Variants in ASB17 observed in about 807,000 individuals in gnomAD.
ASB17 encodes the protein ankyrin repeat and SOCS box containing 17.
Under a neutral mutation model 25.7 loss-of-function variants are expected in ASB17, and 26 were observed. The ratio of observed to expected loss-of-function variants is 1.01; its 90% CI spans 0.74 to 1.40. The LOEUF is 1.40. ASB17 is among the 40% of genes most tolerant of loss of function. ASB17 has a pLI of 0.00. For synonymous variants in ASB17, 128 were observed against 121.4 expected (o/e 1.05, Z -0.36); for missense variants, 326 against 338.5 (o/e 0.96, Z 0.29).
chr1:75,925,790 T>C (rs1653155471), intron 1 of ASB17, among the ~76,000 whole-genome samples: 1 of 152,156 alleles, frequency 6.6e-6, no homozygotes, highest in African/African-American at 2.4e-5. Context: ...TTTTTTTCCC[T>C]TCTCATTCTC....
rs1225524062 is a variant in ASB17 at position 75,922,284 on chromosome 1, C to T, written c.477G>A (p.Gln159=). Residue 159 remains glutamine, a synonymous_variant, in exon 2 of 3, where the codon CAG becomes CAA. Coordinates refer to ENST00000284142, the MANE Select transcript of ASB17 (RefSeq NM_080868.3). ...TPLFYVAQTR[Q]SNIFKILLQY... ...GCAGTAGTATTTTGAAGATATTAGA[C>T]TGTCTTGTCTGAGCTACATAAAAGA... 1.2e-6 allele frequency: 2 copies of T among 1,613,048 alleles called. No individual in the cohort carries two copies. The highest frequency in any genetic ancestry group is 3.3e-5 in the Admixed American group (2 of 59,968).
intron 1 of ASB17, among the ~76,000 whole-genome samples, chr1:75,924,070 G>GAAGAT (rs1162401942): frequency 6.6e-6 from 1 of 152,054 alleles, no homozygotes; most frequent in Non-Finnish European, 1.5e-5. Flanking sequence ...AACTCTATCT[G>GAAGAT]AAATAGTCAT....
intron 1 of ASB17, 139 bp from the exon 2 acceptor site, chr1:75,922,498 T>TTC (rs1553141947): frequency 4.9e-5 from 30 of 617,326 alleles, no homozygotes; most frequent in Non-Finnish European, 5.7e-5. Context: ...CTTTTTTTTT[T>TTC]TTTTTTTTTT....
intron 1 of ASB17, among the ~76,000 whole-genome samples, chr1:75,924,100 A>G (rs1000198562): frequency 6.6e-6 from 1 of 152,082 alleles, no homozygotes; most frequent in African/African-American, 2.4e-5. Flanking sequence ...GTTATCCAGA[A>G]ACTACGATTT....
Position 75,924,648 on chromosome 1 carries a change from T to C in ASB17, c.402-2289A>G, listed in dbSNP as rs1653120846. Reference sequence around the variant, plus strand: ...TGGAATCATCTCCAGACCAATAATGTCATGGGCATATTATCTTTTTTACAA... The same window carrying C: ...TGGAATCATCTCCAGACCAATAATGCCATGGGCATATTATCTTTTTTACAA... On this transcript the variant is annotated intron_variant, in intron 1 of 2. Coordinates refer to ENST00000284142, the MANE Select transcript of ASB17 (RefSeq NM_080868.3). Among the ~76,000 whole-genome samples, 5 of 152,244 alleles carry C rather than the reference T, an allele frequency of 3.3e-5. No individual in the cohort carries two copies. The South Asian group carries it at 1.0e-3, about 32-fold the overall frequency.
At position 75,932,297 on chromosome 1, in the gene ASB17, C is replaced by T. The variant is rs999134089; in HGVS notation, c.-6G>A. 2 of 1,593,942 alleles carry T rather than the reference C, an allele frequency of 1.3e-6. No individual in the cohort carries two copies. Among genetic ancestry groups the T allele is most frequent in the Middle Eastern group, 1.7e-4 (1 of 5,958 alleles). On this transcript the variant is annotated 5_prime_UTR_variant, in exon 1 of 3. Transcript: ENST00000284142. Reference sequence around the variant, plus strand: ...AATTTAGTAGATTTACTCATTGTTACTTATAGCAGCACTGTAGAAATAAAA... The same window carrying T: ...AATTTAGTAGATTTACTCATTGTTATTTATAGCAGCACTGTAGAAATAAAA...
rs1271755486 is a variant in ASB17 at position 75,931,921 on chromosome 1, T to A, written c.371A>T (p.Asp124Val). The A allele has an allele frequency of 6.2e-7, 1 of 1,611,040 alleles. No individual in the cohort carries two copies. The highest frequency in any genetic ancestry group is 8.5e-7 in the Non-Finnish European group (1 of 1,178,778). ...TATCAGTGCCAGGTTACAACTTCTG[T>A]CTTGAACATAGTCTTTTGTCTTCTT... Reference protein sequence around the residue: ...LLKKTKDYVQDRSCNLALIWR... With the variant: ...LLKKTKDYVQVRSCNLALIWR... Residue 124 changes from aspartate (D) to valine (V), a missense_variant, in exon 1 of 3, where the codon GAC (aspartate) becomes GTC (valine). Physicochemically the swap from Asp to Val is radical, Grantham distance 152. Coordinates refer to ENST00000284142, the MANE Select transcript of ASB17 (RefSeq NM_080868.3).
At position 75,931,557 on chromosome 1, in the gene ASB17, A is replaced by C. The variant is rs185679498; in HGVS notation, c.401+334T>G. The stretch of plus-strand genomic sequence containing the variant: ...GAAAGTCAGCTTATAAACATATATA[A>C]ATATAAAACCATAGGATTCGCAGAA... On this transcript the variant is annotated intron_variant, in intron 1 of 2. Coordinates refer to ENST00000284142, the MANE Select transcript of ASB17 (RefSeq NM_080868.3). 3.3e-5 allele frequency among the ~76,000 whole-genome samples: 5 copies of C among 152,304 alleles called. No individual in the cohort carries two copies. In the East Asian group the frequency reaches 9.6e-4, roughly 29 times the overall value.
chr1:75,923,171 A>G (rs186752389), intron 1 of ASB17, among the ~76,000 whole-genome samples: 14 of 152,286 alleles, frequency 9.2e-5, no homozygotes, highest in Admixed American at 9.2e-4. Flanking sequence ...AATAAATACA[A>G]CTATCTTAAT....
chr1:75,930,460 A>G (rs1653294879), intron 1 of ASB17, among the ~76,000 whole-genome samples: 1 of 151,550 alleles, frequency 6.6e-6, no homozygotes, highest in African/African-American at 2.4e-5. Context: ...AGAATTGTTT[A>G]AGAAGAGACC....
intron 2 of ASB17, among the ~76,000 whole-genome samples, chr1:75,919,423 A>C (rs985921379): frequency 5.9e-5 from 9 of 151,966 alleles, no homozygotes; most frequent in African/African-American, 2.2e-4. Context: ...TTTAGGGTAC[A>C]TGTGCACAAT....
intron 1 of ASB17, among the ~76,000 whole-genome samples, chr1:75,925,300 A>T (rs1407410527): frequency 1.3e-5 from 2 of 152,096 alleles, no homozygotes; most frequent in Admixed American, 1.3e-4. Context: ...TCTTAAGAAA[A>T]TATTTGACTT....
chr1:75,923,610 G>T (rs1354085553), intron 1 of ASB17, among the ~76,000 whole-genome samples: 1 of 152,078 alleles, frequency 6.6e-6, no homozygotes, highest in East Asian at 1.9e-4. Context: ...ATAAAATACT[G>T]CAGGACAGCA....
At position 75,918,973 on chromosome 1, in the gene ASB17, G is replaced by GT; in HGVS notation, c.866dup (p.Asn289LysfsTer28). 3 of 1,611,974 alleles carry GT rather than the reference G, an allele frequency of 1.9e-6. No individual in the cohort carries two copies. In the East Asian group the frequency reaches 6.7e-5, roughly 36 times the overall value. ...TATGTTAGATTTCTAAATTCAGATA[G>GT]TTTTGTAGACGAGCAGGAATTAGAA... On this transcript the variant is annotated frameshift_variant, in exon 3 of 3. Coordinates refer to ENST00000284142, the MANE Select transcript of ASB17 (RefSeq NM_080868.3). LOFTEE classifies it high-confidence loss of function.
chr1:75,931,195 T>C (rs999156597), intron 1 of ASB17, among the ~76,000 whole-genome samples: 3 of 152,216 alleles, frequency 2.0e-5, no homozygotes, highest in African/African-American at 7.2e-5. Flanking sequence ...AATGAACACA[T>C]GAATGTTTTA....
chr1:75,931,980 T>A lies in ASB17; in HGVS notation c.312A>T (p.Arg104Ser). 6.2e-7 allele frequency: 1 copy of A among 1,614,102 alleles called. No homozygotes were observed. The highest frequency in any genetic ancestry group is 8.5e-7 in the Non-Finnish European group (1 of 1,179,990). Residue 104 changes from arginine (R) to serine (S), a missense_variant, in exon 1 of 3, where the codon AGA becomes AGT. Transcript: ENST00000284142. ...ATTCCACAAAGTCAGGATTACCTTTTCTGGCAAAAACCCAGTACAGAATTG... is the reference window on the plus strand; with the variant it reads ...ATTCCACAAAGTCAGGATTACCTTTACTGGCAAAAACCCAGTACAGAATTG... ...VNTILYWVFA[R>S]KGNPDFVELL...
At chr1:75,930,900 T>C (rs1653306081) in intron 1 of ASB17, among the ~76,000 whole-genome samples, 1 of 152,186 alleles carries the variant, frequency 6.6e-6, no homozygotes, top group East Asian at 1.9e-4. Context: ...AATATAATGG[T>C]TACTTAAAAC....
Position 75,932,183 on chromosome 1 carries a change from G to C in ASB17, c.109C>G (p.Gln37Glu), listed in dbSNP as rs1225837417. ...VKRPSLQFLG[Q>E]WGYHCYEPRI... ...GGTTCGTAACAGTGATATCCCCACTGACCCAAAAACTGTAGGGAGGGTCTT... is the reference window on the plus strand; with the variant it reads ...GGTTCGTAACAGTGATATCCCCACTCACCCAAAAACTGTAGGGAGGGTCTT... The change falls in exon 1 of 3, where the codon CAG becomes GAG. Residue 37 changes from glutamine (Q) to glutamate (E), a missense_variant. By Grantham distance (29) the Gln-to-Glu change is conservative. Coordinates refer to ENST00000284142, the MANE Select transcript of ASB17 (RefSeq NM_080868.3). 1 of 1,614,078 alleles carries C rather than the reference G, an allele frequency of 6.2e-7. No individual in the cohort carries two copies. Among genetic ancestry groups the C allele is most frequent in the South Asian group, 1.1e-5 (1 of 91,078 alleles).
chr1:75,930,592 C>T (rs562046814), intron 1 of ASB17, among the ~76,000 whole-genome samples: 3 of 151,898 alleles, frequency 2.0e-5, no homozygotes, highest in Non-Finnish European at 4.4e-5. Flanking sequence ...GTAGAACTGG[C>T]CTGTAATGGG....
Sources: gnomAD v4.1 joint callset for allele counts (sites outside exome capture counted in the v4.1 genomes callset) on GRCh38, gnomAD v4.1.1 for gene constraint, MANE v1.5 for transcripts, NCBI Gene and HGNC (gene_info 2026-07-23, HGNC 2026-07-21) for gene names.